IL1RN: variants seen among roughly 807,000 people sequenced by gnomAD.
IL1RN encodes interleukin 1 receptor antagonist.
IL1RN carries 10 observed loss-of-function variants against 13.7 expected under a neutral mutation model. The ratio of observed to expected loss-of-function variants is 0.73; its 90% CI spans 0.45 to 1.24. IL1RN has a LOEUF of 1.24. IL1RN is among the 50% of genes most tolerant of loss of function. IL1RN has a pLI of 0.00. For missense variants in IL1RN, 213 were observed against 222.1 expected (o/e 0.96, Z 0.26); for synonymous variants, 102 against 82.7 (o/e 1.23, Z -1.27).
upstream of IL1RN, among the ~76,000 whole-genome samples, chr2:113,117,027 C>T (rs997687798): frequency 2.0e-5 from 3 of 152,178 alleles, no homozygotes; most frequent in African/African-American, 7.2e-5. Flanking sequence ...GCCACTGCTC[C>T]CCATCAACTT....
At chr2:113,115,230 C>T (rs1380116384), upstream of IL1RN, among the ~76,000 whole-genome samples, 2 of 152,124 alleles carry the variant, frequency 1.3e-5, no homozygotes, top group African/African-American at 4.8e-5. Context: ...CAGGATGCAC[C>T]TCTCCCCTGG....
At chr2:113,104,675 C>G (rs1402185984), upstream of IL1RN, among the ~76,000 whole-genome samples, 3 of 152,080 alleles carry the variant, frequency 2.0e-5, no homozygotes, top group Non-Finnish European at 4.4e-5. Context: ...CTTGCTTTAC[C>G]CCAGTAGCCC....
At chr2:113,106,580 A>G (rs546749809), upstream of IL1RN, among the ~76,000 whole-genome samples, 139 of 152,298 alleles carry the variant, frequency 9.1e-4, 1 homozygote, top group Middle Eastern at 0.01. Flanking sequence ...TAGAGGGTCA[A>G]TATTATAAAT....
intron 1 of IL1RN, among the ~76,000 whole-genome samples, chr2:113,128,957 G>GA (rs1687061645): frequency 6.6e-6 from 1 of 152,170 alleles, no homozygotes; most frequent in Non-Finnish European, 1.5e-5. Flanking sequence ...GCTCCTGCAG[G>GA]ACTCTGAGCA....
upstream of IL1RN, among the ~76,000 whole-genome samples, chr2:113,126,649 T>C (rs986363066): frequency 3.9e-5 from 6 of 152,172 alleles, no homozygotes; most frequent in Non-Finnish European, 7.4e-5. Context: ...CCAGAAGTTC[T>C]CCTCTTCCTT....
chr2:113,106,151 G>A (rs557866018), upstream of IL1RN, among the ~76,000 whole-genome samples: 376 of 152,076 alleles, frequency 2.5e-3, no homozygotes, highest in Admixed American at 4.2e-3. Flanking sequence ...AATTTCCTTT[G>A]CTCACTTCTT....
At chr2:113,127,781 C>T (rs779997693) in intron 1 of IL1RN, 41 bp downstream of exon 1, 47 of 1,596,208 alleles carry the variant, frequency 2.9e-5, no homozygotes, top group Non-Finnish European at 2.6e-6. Flanking sequence ...GGTGGATCAG[C>T]TGGAGACTGG....
chr2:113,123,394 TG>T (rs1396638100), upstream of IL1RN, among the ~76,000 whole-genome samples: 1 of 152,048 alleles, frequency 6.6e-6, no homozygotes, highest in Non-Finnish European at 1.5e-5. Flanking sequence ...TGGAACTTGG[TG>T]GGGGAGATGA....
At chr2:113,119,986 T>C in intron 1 of IL1RN, 2 of 1,092,164 alleles carry the variant, frequency 1.8e-6, no homozygotes, top group South Asian at 1.3e-5. Flanking sequence ...ATACACTTTG[T>C]GTTACCTTGG....
chr2:113,132,667 C>G lies in IL1RN; in HGVS notation c.330C>G (p.Ile110Met), dbSNP rs766755526. The change falls in exon 4 of 4, where the codon ATC (isoleucine) becomes ATG (methionine). Residue 110 changes from isoleucine to methionine, a missense_variant. Ile to Met is a conservative substitution (Grantham distance 10). Transcript: ENST00000409930. ...CTTTTGATTTCCAGGCAGTTAACATCACTGACCTGAGCGAGAACAGAAAGC... is the reference window on the plus strand; with the variant it reads ...CTTTTGATTTCCAGGCAGTTAACATGACTGACCTGAGCGAGAACAGAAAGC... ...ETRLQLEAVNITDLSENRKQD... is the reference protein window; with the variant it reads ...ETRLQLEAVNMTDLSENRKQD... 2 of 1,614,080 alleles carry G rather than the reference C, an allele frequency of 1.2e-6. No homozygotes were observed. The highest frequency in any genetic ancestry group is 3.3e-5 in the Admixed American group (2 of 60,026).
At chr2:113,116,207 C>T (rs530324394), upstream of IL1RN, among the ~76,000 whole-genome samples, 1 of 152,334 alleles carries the variant, frequency 6.6e-6, no homozygotes, top group South Asian at 2.1e-4. Context: ...GTTGTCATAA[C>T]AGAAAAGTAC....
At chr2:113,105,142 A>G (rs1363561654), upstream of IL1RN, among the ~76,000 whole-genome samples, 1 of 152,184 alleles carries the variant, frequency 6.6e-6, no homozygotes, top group Non-Finnish European at 1.5e-5. Context: ...CTAGAAGCGC[A>G]TTGTGGGTAG....
chr2:113,108,774 A>G (rs1232337033), upstream of IL1RN, among the ~76,000 whole-genome samples: 1 of 152,206 alleles, frequency 6.6e-6, no homozygotes, highest in Admixed American at 6.5e-5. Context: ...AATCTAAACA[A>G]ATCTTTGAAA....
rs1687213897 is a variant in IL1RN at position 113,132,667 on chromosome 2, C to CA, written c.331dup (p.Thr111AsnfsTer2). 1 of 1,614,080 alleles carries CA rather than the reference C, an allele frequency of 6.2e-7. No individual in the cohort carries two copies. Among genetic ancestry groups the CA allele is most frequent in the Non-Finnish European group, 8.5e-7 (1 of 1,179,926 alleles). On this transcript the variant is annotated frameshift_variant, in exon 4 of 4. Coordinates refer to ENST00000409930, the MANE Select transcript of IL1RN (RefSeq NM_173842.3). LOFTEE classifies it low-confidence loss of function (END_TRUNC). ...CTTTTGATTTCCAGGCAGTTAACAT[C>CA]ACTGACCTGAGCGAGAACAGAAAGC...
upstream of IL1RN, among the ~76,000 whole-genome samples, chr2:113,103,270 A>T (rs1686341653): frequency 6.6e-6 from 1 of 152,156 alleles, no homozygotes; most frequent in Non-Finnish European, 1.5e-5. Flanking sequence ...GCCCTCAAAG[A>T]CATCTGTGTC....
At chr2:113,129,804 T>C in intron 2 of IL1RN, 140 bp downstream of exon 2, 1 of 697,256 alleles carries the variant, frequency 1.4e-6, no homozygotes, top group Non-Finnish European at 2.6e-6. Flanking sequence ...AGTTTGAAGC[T>C]GGGAGGGCCT....
upstream of IL1RN, among the ~76,000 whole-genome samples, chr2:113,116,362 T>C (rs1686591213): frequency 6.6e-6 from 1 of 152,230 alleles, no homozygotes; most frequent in African/African-American, 2.4e-5. Context: ...GGAATTTCTC[T>C]ACAAAAGCTG....
At chr2:113,131,017 C>G in intron 2 of IL1RN, 28 bp from the exon 3 acceptor site, 2 of 1,387,168 alleles carry the variant, frequency 1.4e-6, no homozygotes, top group Non-Finnish European at 2.1e-6. Context: ...CTTCTATTAA[C>G]CTGACCCTCC....
upstream of IL1RN, among the ~76,000 whole-genome samples, chr2:113,104,026 C>T (rs1686351804): frequency 6.7e-6 from 1 of 148,368 alleles, no homozygotes; most frequent in South Asian, 2.1e-4. Context: ...CAAATTTTCT[C>T]AGTTAAGCAT....
Sources: gnomAD v4.1 joint callset for allele counts (sites outside exome capture counted in the v4.1 genomes callset) on GRCh38, gnomAD v4.1.1 for gene constraint, MANE v1.5 for transcripts, NCBI Gene and HGNC (gene_info 2026-07-23, HGNC 2026-07-21) for gene names.